The following SLC29A3 variants were observed in gnomAD, a reference collection of about 807,000 sequenced individuals.
The protein encoded by SLC29A3 is solute carrier family 29 member 3.
A neutral mutation model predicts 25.4 loss-of-function variants in SLC29A3; 18 were observed. That is an observed-to-expected ratio of 0.71 (90% CI 0.49 to 1.05). SLC29A3 has a LOEUF of 1.05. SLC29A3 is among the 50% of genes least tolerant of loss of function. The pLI is 0.00. For missense variants in SLC29A3, 586 were observed against 609.0 expected (o/e 0.96, Z 0.40); for synonymous variants, 258 against 267.1 (o/e 0.97, Z 0.33).
chr10:71,363,359 G>A lies in SLC29A3; in HGVS notation c.*751G>A. On this transcript the variant is annotated 3_prime_UTR_variant, in exon 6 of 6. Transcript: ENST00000373189. ...CAACATGTCAAAGCCATTGGTTCAA[G>A]GGCGTAATAAATACTTGCGTATTCA... 1 of 454,128 alleles carries A rather than the reference G, an allele frequency of 2.2e-6. No homozygotes were observed. Among genetic ancestry groups the A allele is most frequent in the Non-Finnish European group, 4.4e-6 (1 of 226,796 alleles). The allele number at this position is 454,128 out of a possible 1,614,324, so 28.1% of individuals were successfully genotyped here. A position where few individuals can be genotyped will look rare whatever the true frequency, so the allele number is the denominator to read the frequency against.
At chr10:71,333,036 A>G (rs1429933384) in intron 2 of SLC29A3, among the ~76,000 whole-genome samples, 2 of 152,240 alleles carry the variant, frequency 1.3e-5, no homozygotes, top group African/African-American at 2.4e-5. Flanking sequence ...TAAAATCCAG[A>G]GGCGATTTCC....
At chr10:71,373,152 ACT>A (rs1460110097) in intron 3 of SLC29A3, among the ~76,000 whole-genome samples, 1 of 152,132 alleles carries the variant, frequency 6.6e-6, no homozygotes, top group Non-Finnish European at 1.5e-5. Context: ...CTTTGCTGAG[ACT>A]CAAAAAGGGG....
chr10:71,356,961 T>C (rs535502677), intron 5 of SLC29A3, among the ~76,000 whole-genome samples: 122 of 152,314 alleles, frequency 8.0e-4, no homozygotes, highest in African/African-American at 2.9e-3. Context: ...GCTGTTGTTT[T>C]AGTAGAGACA....
chr10:71,340,342 G>C (rs1020631388), intron 2 of SLC29A3, among the ~76,000 whole-genome samples: 1 of 152,202 alleles, frequency 6.6e-6, no homozygotes, highest in Non-Finnish European at 1.5e-5. Flanking sequence ...CCTATCACAA[G>C]CCTACAGGTC....
At chr10:71,339,532 C>G (rs563833846) in intron 2 of SLC29A3, among the ~76,000 whole-genome samples, 37 of 152,242 alleles carry the variant, frequency 2.4e-4, no homozygotes, top group African/African-American at 8.4e-4. Flanking sequence ...CATTAGCGCT[C>G]TGGGGGTTGA....
intron 2 of SLC29A3, among the ~76,000 whole-genome samples, chr10:71,343,102 G>A (rs1277647706): frequency 1.3e-5 from 2 of 152,162 alleles, no homozygotes; most frequent in Non-Finnish European, 2.9e-5. Context: ...CTTCTGAGTA[G>A]CTGGGACTTA....
chr10:71,352,998 G>C (rs1846804203), intron 4 of SLC29A3, among the ~76,000 whole-genome samples: 1 of 152,194 alleles, frequency 6.6e-6, no homozygotes, highest in African/African-American at 2.4e-5. Context: ...GTGCCCCTTA[G>C]TTAATAATGC....
In SLC29A3 at chr10:71,356,148, G is replaced by T. The variant is rs758982186; in HGVS notation, c.678G>T (p.Val226=). 6.2e-7 allele frequency: 1 copy of T among 1,614,056 alleles called. No homozygotes were observed. The highest frequency in any genetic ancestry group is 8.5e-7 in the Non-Finnish European group (1 of 1,180,042). The change falls in exon 5 of 6, where the codon GTG becomes GTT. Residue 226 remains valine, a synonymous_variant. Transcript: ENST00000373189. ...TGGACTTGGCTGCATCCAGTGATGT[G>T]AGGAACAGCGCCCTGGCCTTCTTCC... is the stretch of plus-strand genomic sequence containing the variant. ...SLVDLAASSD[V]RNSALAFFLT... is the part of the protein sequence containing the mutation.
intron 3 of SLC29A3, among the ~76,000 whole-genome samples, chr10:71,369,689 A>C (rs1847196750): frequency 6.6e-6 from 1 of 152,240 alleles, no homozygotes; most frequent in South Asian, 2.1e-4. Context: ...TGTGGTCTAC[A>C]TCAAAGTAAA....
chr10:71,333,594 CATG>C (rs1589225834), intron 2 of SLC29A3, among the ~76,000 whole-genome samples: 1 of 152,270 alleles, frequency 6.6e-6, no homozygotes, highest in East Asian at 1.9e-4. Flanking sequence ...GGCCACAGGG[CATG>C]GCCCTTGTCC....
chr10:71,320,599 G>T (rs1312477174), intron 1 of SLC29A3, among the ~76,000 whole-genome samples: 1 of 152,230 alleles, frequency 6.6e-6, no homozygotes, highest in Non-Finnish European at 1.5e-5. Context: ...CAGTGAGCTT[G>T]TTAATGCTGG....
At position 71,357,191 on chromosome 10, in the gene SLC29A3, G is replaced by A. The variant is rs555680958; in HGVS notation, c.773+948G>A. Among the ~76,000 whole-genome samples the A allele has an allele frequency of 1.2e-4, 18 of 152,236 alleles. 1 individual carries two copies. Among genetic ancestry groups the A allele is most frequent in the African/African-American group, 3.9e-4 (16 of 41,558 alleles). ...GCACTTTGGGAGGCCAAGGCAGGCC[G>A]GATCATCAGGTCAGGAGATCGAGAC... On this transcript the variant is annotated intron_variant, in intron 5 of 5. Coordinates refer to ENST00000373189, the MANE Select transcript of SLC29A3 (RefSeq NM_018344.6).
chr10:71,348,381 G>A (rs559450936), intron 3 of SLC29A3, among the ~76,000 whole-genome samples: 4 of 152,318 alleles, frequency 2.6e-5, no homozygotes, highest in South Asian at 2.1e-4. Context: ...TAATATTATC[G>A]GGTCTAGCTG....
chr10:71,325,335 T>C (rs1476694607), intron 2 of SLC29A3, among the ~76,000 whole-genome samples: 1 of 152,206 alleles, frequency 6.6e-6, no homozygotes, highest in Non-Finnish European at 1.5e-5. Context: ...AGAGTCCTTT[T>C]GTAGTTCATG....
intron 1 of SLC29A3, among the ~76,000 whole-genome samples, chr10:71,322,155 T>C (rs987839325): frequency 3.3e-5 from 5 of 151,198 alleles, no homozygotes; most frequent in Non-Finnish European, 7.4e-5. Context: ...CATCCCAGTT[T>C]CCCTCCTTAG....
At chr10:71,366,747 C>T (rs544592349), downstream of SLC29A3, among the ~76,000 whole-genome samples, 5 of 152,292 alleles carry the variant, frequency 3.3e-5, no homozygotes, top group Admixed American at 1.3e-4. Context: ...GAGAACTCCA[C>T]GTAGAAGAGG....
intron 4 of SLC29A3, chr10:71,352,925 G>A (rs1350263129): frequency 6.6e-6 from 1 of 152,322 alleles, no homozygotes; most frequent in Non-Finnish European, 1.5e-5. Context: ...ACATGCCCCT[G>A]TTATGCAGAG....
chr10:71,372,933 T>C (rs1847222491), intron 3 of SLC29A3, among the ~76,000 whole-genome samples: 1 of 152,020 alleles, frequency 6.6e-6, no homozygotes, highest in South Asian at 2.1e-4. Context: ...GGCGAGACAG[T>C]GAGGCTGAGG....
chr10:71,379,551 C>T (rs752052925), intron 4 of SLC29A3, among the ~76,000 whole-genome samples: 9 of 152,218 alleles, frequency 5.9e-5, no homozygotes, highest in Non-Finnish European at 5.9e-5. Context: ...GTCCCCACCT[C>T]GTGAGGGAAG....
Sources: allele counts gnomAD v4.1 joint callset (sites outside exome capture counted in the v4.1 genomes callset), GRCh38; gene constraint gnomAD v4.1.1; transcripts MANE v1.5; gene names NCBI Gene and HGNC (gene_info 2026-07-23, HGNC 2026-07-21).